KIF16B: variants seen among roughly 807,000 people sequenced by gnomAD.
The protein encoded by KIF16B is kinesin-like protein KIF16B.
In KIF16B, 98 loss-of-function variants were observed where a neutral mutation model predicts 156.3. The ratio of observed to expected loss-of-function variants is 0.63; its 90% CI spans 0.53 to 0.74. KIF16B has a LOEUF of 0.74. Ranked by LOEUF, KIF16B falls within the 30% of genes least tolerant of loss-of-function variation. The pLI is 0.00. For synonymous variants in KIF16B, 564 were observed against 583.7 expected (o/e 0.97, Z 0.49); for missense variants, 1,421 against 1,606.5 (o/e 0.88, Z 1.97).
chr20:16,568,009 C>T (rs752551737), intron 1 of KIF16B, among the ~76,000 whole-genome samples: 5 of 152,180 alleles, frequency 3.3e-5, no homozygotes, highest in Admixed American at 6.5e-5. Context: ...AGATACTTCC[C>T]GTCCTTAATA....
chr20:16,549,450 T>C (rs2070552494), intron 1 of KIF16B, among the ~76,000 whole-genome samples: 1 of 151,790 alleles, frequency 6.6e-6, no homozygotes, highest in Admixed American at 6.6e-5. Context: ...TTGTTGGACA[T>C]TTGGGTTGGT....
intron 12 of KIF16B, among the ~76,000 whole-genome samples, chr20:16,472,035 C>G (rs2067676070): frequency 1.3e-5 from 2 of 152,196 alleles, no homozygotes; most frequent in Non-Finnish European, 2.9e-5. Flanking sequence ...ACAAAAATTA[C>G]AACCATAGCT....
chr20:16,438,475 G>C (rs912237026), intron 12 of KIF16B, among the ~76,000 whole-genome samples: 1 of 152,012 alleles, frequency 6.6e-6, no homozygotes, highest in African/African-American at 2.4e-5. Flanking sequence ...ATACATATAG[G>C]GAAAAACAGT....
intron 22 of KIF16B, among the ~76,000 whole-genome samples, chr20:16,365,896 T>C (rs188004967): frequency 5.3e-5 from 8 of 152,082 alleles, no homozygotes; most frequent in Admixed American, 3.9e-4. Flanking sequence ...TAAAGATGGT[T>C]TGGCTGAGAG....
chr20:16,491,612 T>A (rs1001261793), intron 12 of KIF16B, among the ~76,000 whole-genome samples: 1 of 152,104 alleles, frequency 6.6e-6, no homozygotes. Context: ...AGCTGGGAAG[T>A]AGGGTACGTG....
At chr20:16,551,839 C>T (rs921592982) in intron 1 of KIF16B, among the ~76,000 whole-genome samples, 1 of 152,076 alleles carries the variant, frequency 6.6e-6, no homozygotes, top group Non-Finnish European at 1.5e-5. Flanking sequence ...AAAGCAGGCC[C>T]CCCTCCCACG....
At chr20:16,414,251 T>G (rs933201609) in intron 15 of KIF16B, among the ~76,000 whole-genome samples, 7 of 151,928 alleles carry the variant, frequency 4.6e-5, no homozygotes, top group Admixed American at 4.6e-4. Flanking sequence ...GTAAGAAAAT[T>G]TCACATAAAT....
At chr20:16,382,710 G>A (rs750073167) in intron 17 of KIF16B, among the ~76,000 whole-genome samples, 2 of 151,746 alleles carry the variant, frequency 1.3e-5, no homozygotes, top group Non-Finnish European at 2.9e-5. Context: ...TTTTTTTCAG[G>A]GTTGGGATCG....
intron 12 of KIF16B, among the ~76,000 whole-genome samples, chr20:16,455,830 G>A (rs535669089): frequency 6.6e-6 from 1 of 152,230 alleles, no homozygotes; most frequent in African/African-American, 2.4e-5. Context: ...AGCCAATGCA[G>A]AGAGAATGTG....
At chr20:16,410,990 T>A (rs1385832727) in intron 15 of KIF16B, among the ~76,000 whole-genome samples, 1 of 151,786 alleles carries the variant, frequency 6.6e-6, no homozygotes, top group Non-Finnish European at 1.5e-5. Flanking sequence ...CATTACAGAC[T>A]TGGTTCTGGT....
At chr20:16,426,866 A>G (rs904040915) in intron 15 of KIF16B, among the ~76,000 whole-genome samples, 4 of 152,128 alleles carry the variant, frequency 2.6e-5, no homozygotes, top group Admixed American at 2.0e-4. Context: ...TCATCTCCAT[A>G]ACAACAACTT....
At chr20:16,405,511 T>C (rs1271310686) in intron 16 of KIF16B, among the ~76,000 whole-genome samples, 3 of 152,106 alleles carry the variant, frequency 2.0e-5, no homozygotes, top group Non-Finnish European at 4.4e-5. Flanking sequence ...TATTTTCCAA[T>C]TAGGGCACTG....
intron 6 of KIF16B, 36 bp from the exon 7 acceptor site, chr20:16,508,136 C>T: frequency 6.2e-7 from 1 of 1,605,638 alleles, no homozygotes; most frequent in South Asian, 1.1e-5. Context: ...AGAAATCCCC[C>T]TAATATATAG....
Position 16,370,632 on chromosome 20 carries a change from T to C in KIF16B, c.3452A>G (p.Asn1151Ser), listed in dbSNP as rs2064794088. 1 of 1,584,916 alleles carries C rather than the reference T, an allele frequency of 6.3e-7. No individual in the cohort carries two copies. Among genetic ancestry groups the C allele is most frequent in the Non-Finnish European group, 8.5e-7 (1 of 1,171,684 alleles). Residue 1151 changes from asparagine (N) to serine (S), a missense_variant, in exon 22 of 26, where the codon AAT becomes AGT. Physicochemically the swap from Asn to Ser is conservative, Grantham distance 46 (BLOSUM62 1). Transcript: ENST00000354981. ...CSTSADTMKD[N>S]EKLHNGTIQR... ...AATGGTGCCATTGTGAAGTTTCTCA[T>C]TATCCTGAAAAGAAAAGAAAAAGCC...
At chr20:16,358,397 T>C (rs1600202442) in intron 22 of KIF16B, among the ~76,000 whole-genome samples, 2 of 152,290 alleles carry the variant, frequency 1.3e-5, no homozygotes, top group African/African-American at 4.8e-5. Flanking sequence ...AAGCATAACA[T>C]ACTCTAACTT....
chr20:16,358,922 T>C (rs2064496914), intron 22 of KIF16B, among the ~76,000 whole-genome samples: 2 of 152,224 alleles, frequency 1.3e-5, no homozygotes, highest in South Asian at 4.1e-4. Context: ...GTACCACCTA[T>C]GTGCCACACA....
At chr20:16,490,966 G>C (rs1033155775) in intron 12 of KIF16B, among the ~76,000 whole-genome samples, 37 of 152,176 alleles carry the variant, frequency 2.4e-4, no homozygotes, top group African/African-American at 7.0e-4. Context: ...CTGTGTGTAA[G>C]AGTTGGCAGA....
chr20:16,545,055 A>T (rs1408067695), intron 1 of KIF16B, among the ~76,000 whole-genome samples: 1 of 152,202 alleles, frequency 6.6e-6, no homozygotes, highest in African/African-American at 2.4e-5. Context: ...GACAGAAATG[A>T]AGCTTGTTTC....
rs556002063 is a variant in KIF16B, at chr20:16,539,541, T to C, written c.48-11101A>G. Among the ~76,000 whole-genome samples the C allele has an allele frequency of 2.9e-4, 44 of 152,194 alleles. No homozygotes were observed. In the South Asian group the frequency reaches 8.9e-3, roughly 31 times the overall value. ...CTCGTGAGATCTGGCTGTTCAAAAG[T>C]GTATGACACCTCCCCCGACCCTTGC... On this transcript the variant is annotated intron_variant, in intron 1 of 25. Coordinates refer to ENST00000354981, the MANE Select transcript of KIF16B (RefSeq NM_024704.5).
Sources: allele counts gnomAD v4.1 joint callset (sites outside exome capture counted in the v4.1 genomes callset), GRCh38; gene constraint gnomAD v4.1.1; transcripts MANE v1.5; gene names NCBI Gene and HGNC (gene_info 2026-07-23, HGNC 2026-07-21).